NRG1: variants seen among roughly 807,000 people sequenced by gnomAD.
NRG1 encodes neuregulin 1.
NRG1 carries 18 observed loss-of-function variants against 63.8 expected under a neutral mutation model. The ratio of observed to expected loss-of-function variants is 0.28; its 90% CI spans 0.19 to 0.42. The LOEUF is 0.42. Ranked by LOEUF, NRG1 falls within the 10% of genes least tolerant of loss-of-function variation. NRG1 has a pLI of 1.00. For synonymous variants in NRG1, 302 were observed against 301.3 expected, an observed-to-expected ratio of 1.00 and a Z score of -0.02; for missense variants, 762 against 814.7, an observed-to-expected ratio of 0.94 and a Z score of 0.79.
intron 5 of NRG1, among the ~76,000 whole-genome samples, chr8:32,651,838 G>A (rs1034240687): frequency 1.3e-5 from 2 of 152,110 alleles, no homozygotes; most frequent in African/African-American, 4.8e-5. Context: ...AACTATGTTT[G>A]TAGGTATTTC....
intron 1 of NRG1, among the ~76,000 whole-genome samples, chr8:32,443,740 A>C (rs987917107): frequency 2.0e-5 from 3 of 152,180 alleles, no homozygotes; most frequent in Admixed American, 2.0e-4. Context: ...CCTAGATAGA[A>C]GCATTTATGA....
At chr8:32,551,575 T>G (rs1415329542) in intron 1 of NRG1, among the ~76,000 whole-genome samples, 1 of 152,216 alleles carries the variant, frequency 6.6e-6, no homozygotes, top group Non-Finnish European at 1.5e-5. Context: ...GTGACTGATA[T>G]GCGATACATA....
In NRG1 at chr8:32,478,084, G is replaced by T. The variant is rs78642106; in HGVS notation, c.38-117744G>T. ...TTGAAATTGCCTGATCTTTTTGAGT[G>T]AGTGTTGCCACTTTGACCCAGGCAA... is the stretch of plus-strand genomic sequence containing the variant. On this transcript the variant is annotated intron_variant, in intron 1 of 10. Coordinates refer to the NRG1 transcript ENST00000519301. 9.4e-3 allele frequency among the ~76,000 whole-genome samples: 1,433 copies of T among 152,358 alleles called. 23 individuals carry two copies. The highest frequency in any genetic ancestry group is 0.033 in the African/African-American group (1,357 of 41,586).
intron 1 of NRG1, chr8:32,026,316 T>C (rs1427144309): frequency 6.6e-6 from 1 of 152,196 alleles, no homozygotes; most frequent in Non-Finnish European, 1.5e-5. Flanking sequence ...TGGGCTACTT[T>C]CCATTCTTGA....
intron 7 of NRG1, among the ~76,000 whole-genome samples, chr8:32,744,064 AGC>A (rs2129042050): frequency 6.6e-6 from 1 of 152,254 alleles, no homozygotes; most frequent in South Asian, 2.1e-4. Flanking sequence ...TATGTCACAT[AGC>A]TTACTGCAGT....
At chr8:32,293,718 C>A (rs1223278006) in intron 1 of NRG1, among the ~76,000 whole-genome samples, 3 of 108,252 alleles carry the variant, frequency 2.8e-5, no homozygotes, top group South Asian at 3.0e-4. Context: ...TTTTCTTCTT[C>A]TTTTTTTTTT....
At chr8:32,181,369 T>G (rs1322745575) in intron 1 of NRG1, among the ~76,000 whole-genome samples, 1 of 152,226 alleles carries the variant, frequency 6.6e-6, no homozygotes, top group African/African-American at 2.4e-5. Flanking sequence ...ATCCATTTAT[T>G]ATCACTATTA....
At chr8:32,552,527 C>G (rs1834353004) in intron 1 of NRG1, among the ~76,000 whole-genome samples, 1 of 152,116 alleles carries the variant, frequency 6.6e-6, no homozygotes, top group Admixed American at 6.5e-5. Flanking sequence ...GTTTCCCTCA[C>G]TAAGTGGCTC....
At chr8:32,655,097 G>A (rs956983101) in intron 5 of NRG1, among the ~76,000 whole-genome samples, 1 of 152,160 alleles carries the variant, frequency 6.6e-6, no homozygotes, top group African/African-American at 2.4e-5. Flanking sequence ...TCCTAGGCCT[G>A]AGACATAAAA....
chr8:32,720,833 G>A (rs1307825713), intron 5 of NRG1, among the ~76,000 whole-genome samples: 3 of 152,080 alleles, frequency 2.0e-5, no homozygotes, highest in African/African-American at 7.2e-5. Flanking sequence ...GCAACTTGTA[G>A]GTTTGAAAAA....
At chr8:32,393,617 C>G (rs1217383005) in intron 1 of NRG1, among the ~76,000 whole-genome samples, 3 of 152,142 alleles carry the variant, frequency 2.0e-5, no homozygotes, top group African/African-American at 7.2e-5. Flanking sequence ...TTATCCTTAG[C>G]AAACTAATGC....
At chr8:32,658,126 T>C (rs543357785) in intron 5 of NRG1, among the ~76,000 whole-genome samples, 4 of 152,312 alleles carry the variant, frequency 2.6e-5, no homozygotes, top group Admixed American at 2.0e-4. Flanking sequence ...TGATCTGAAC[T>C]ATGGAACCTG....
intron 1 of NRG1, among the ~76,000 whole-genome samples, chr8:31,782,186 T>G (rs906824572): frequency 6.6e-6 from 1 of 152,168 alleles, no homozygotes; most frequent in African/African-American, 2.4e-5. Context: ...CTGGCCTTCT[T>G]CTTGGTCTTC....
chr8:31,770,631 G>T (rs549024003), intron 1 of NRG1, among the ~76,000 whole-genome samples: 5 of 151,472 alleles, frequency 3.3e-5, no homozygotes, highest in Non-Finnish European at 5.9e-5. Flanking sequence ...GTGGGGGTAG[G>T]GGGGAGGGAT....
At chr8:32,075,557 C>G (rs1196138156) in intron 1 of NRG1, among the ~76,000 whole-genome samples, 2 of 151,976 alleles carry the variant, frequency 1.3e-5, no homozygotes, top group African/African-American at 4.8e-5. Context: ...ATACTTTAAG[C>G]AGATTACTTA....
chr8:31,804,865 T>C (rs1822122739), intron 1 of NRG1, among the ~76,000 whole-genome samples: 1 of 152,198 alleles, frequency 6.6e-6, no homozygotes, highest in African/African-American at 2.4e-5. Context: ...TAATGGGACA[T>C]GATAGCCTAG....
chr8:31,672,120 T>G (rs1164543965), intron 1 of NRG1, among the ~76,000 whole-genome samples: 1 of 152,108 alleles, frequency 6.6e-6, no homozygotes, highest in African/African-American at 2.4e-5. Context: ...TATCTAGGTG[T>G]TTTTTCCTCC....
At chr8:32,661,240 G>A (rs2466045) in intron 5 of NRG1, among the ~76,000 whole-genome samples, 75,924 of 152,062 alleles carry the variant, frequency 0.5, 19,885 homozygotes, top group Non-Finnish European at 0.6. Context: ...ATAAAATGGT[G>A]GACAAATTCA....
At chr8:32,104,374 G>A (rs534243776) in intron 1 of NRG1, among the ~76,000 whole-genome samples, 2 of 152,250 alleles carry the variant, frequency 1.3e-5, no homozygotes, top group Admixed American at 6.5e-5. Flanking sequence ...GCAGGACTGC[G>A]TGTTGCTCTG....
Sources: gnomAD v4.1 joint callset for allele counts (sites outside exome capture counted in the v4.1 genomes callset) on GRCh38, gnomAD v4.1.1 for gene constraint, MANE v1.5 for transcripts, NCBI Gene and HGNC (gene_info 2026-07-23, HGNC 2026-07-21) for gene names.